The following CALCRL variants were observed in gnomAD, a reference collection of about 807,000 sequenced individuals.
The protein encoded by CALCRL is calcitonin receptor like receptor.
Under a neutral mutation model 60.4 loss-of-function variants are expected in CALCRL, and 27 were observed. The ratio of observed to expected loss-of-function variants is 0.45; its 90% CI spans 0.33 to 0.62. The LOEUF (loss-of-function observed/expected upper bound fraction) is 0.62. Ranked by LOEUF, CALCRL falls within the 20% of genes least tolerant of loss-of-function variation. CALCRL has a pLI of 0.03. For synonymous variants in CALCRL, 190 were observed against 182.6 expected, an observed-to-expected ratio of 1.04 and a Z score of -0.33; for missense variants, 424 against 540.7, an observed-to-expected ratio of 0.78 and a Z score of 2.14.
chr2:187,421,350 A>G (rs1689863647), intron 1 of CALCRL, among the ~76,000 whole-genome samples: 1 of 152,130 alleles, frequency 6.6e-6, no homozygotes, highest in Non-Finnish European at 1.5e-5. Flanking sequence ...AATAACTCAT[A>G]AATTCCTACT....
chr2:187,357,806 AC>A (rs1686864225), intron 12 of CALCRL, among the ~76,000 whole-genome samples: 1 of 121,598 alleles, frequency 8.2e-6, no homozygotes, highest in African/African-American at 3.3e-5. Flanking sequence ...AATAATAAAA[AC>A]AACAACAACA....
intron 1 of CALCRL, among the ~76,000 whole-genome samples, chr2:187,397,356 T>C (rs77476064): frequency 0.046 from 6,993 of 151,590 alleles, 537 homozygotes; most frequent in African/African-American, 0.16. Flanking sequence ...ATTGTAAGTA[T>C]ATTCCCAGAT....
chr2:187,434,242 C>T (rs1690534865), intron 1 of CALCRL, among the ~76,000 whole-genome samples: 1 of 152,036 alleles, frequency 6.6e-6, no homozygotes, highest in Non-Finnish European at 1.5e-5. Context: ...TTCCCTGGAC[C>T]ACCTAACCAA....
rs1403576611 is a variant in CALCRL at position 187,342,396 on chromosome 2, T to C, written c.*3788A>G. On this transcript the variant is annotated 3_prime_UTR_variant, in exon 15 of 15. Coordinates refer to ENST00000392370, the MANE Select transcript of CALCRL (RefSeq NM_005795.6). ...AAAAACTGCTTTGAATATGAAGTAT[T>C]ATATGATATGTCAAGTATATCTCAA... Among the ~76,000 whole-genome samples, 1 of 151,768 alleles carries C rather than the reference T, an allele frequency of 6.6e-6. No individual in the cohort carries two copies. Among genetic ancestry groups the C allele is most frequent in the Non-Finnish European group, 1.5e-5 (1 of 67,728 alleles).
chr2:187,382,349 C>G (rs1688017478), intron 5 of CALCRL, among the ~76,000 whole-genome samples: 2 of 152,172 alleles, frequency 1.3e-5, no homozygotes, highest in Admixed American at 1.3e-4. Flanking sequence ...TGATTCCAAA[C>G]TTCTCTTACC....
intron 1 of CALCRL, among the ~76,000 whole-genome samples, chr2:187,393,255 G>T (rs1029658039): frequency 2.6e-5 from 4 of 151,978 alleles, no homozygotes; most frequent in African/African-American, 7.2e-5. Context: ...AAGAATTTAG[G>T]AACCTGCATG....
In CALCRL at chr2:187,351,301, G is replaced by A. The variant is rs867849892; in HGVS notation, c.1170+619C>T. Among the ~76,000 whole-genome samples the A allele has an allele frequency of 7.3e-4, 101 of 139,124 alleles. 1 individual carries two copies. The highest frequency in any genetic ancestry group is 2.1e-3 in the East Asian group (9 of 4,226). 91.3% of individuals were successfully genotyped at this position (139,124 alleles called of 152,430 possible). The stretch of plus-strand genomic sequence containing the variant: ...CTCCGTCTCAAAAAAAAAAAAAAAA[G>A]AAATATGTTACCAGCTTTCAAAATG... On this transcript the variant is annotated intron_variant, in intron 14 of 14. Coordinates refer to ENST00000392370, the MANE Select transcript of CALCRL (RefSeq NM_005795.6).
At chr2:187,408,931 T>C (rs1689245740) in intron 1 of CALCRL, among the ~76,000 whole-genome samples, 1 of 152,170 alleles carries the variant, frequency 6.6e-6, no homozygotes, top group African/African-American at 2.4e-5. Flanking sequence ...AGAACTTGCT[T>C]TTTCCTAAAA....
chr2:187,446,198 ATCT>A (rs369258842), intron 1 of CALCRL, among the ~76,000 whole-genome samples: 89 of 151,872 alleles, frequency 5.9e-4, no homozygotes, highest in African/African-American at 1.9e-3. Flanking sequence ...ACAAGGAAAC[ATCT>A]TCTAGCAAAG....
At chr2:187,427,946 T>C (rs1163439141) in intron 1 of CALCRL, among the ~76,000 whole-genome samples, 1 of 152,158 alleles carries the variant, frequency 6.6e-6, no homozygotes, top group African/African-American at 2.4e-5. Flanking sequence ...CTCCCATATC[T>C]GCTATCATGT....
At chr2:187,422,137 T>G (rs373913235) in intron 1 of CALCRL, among the ~76,000 whole-genome samples, 4 of 152,158 alleles carry the variant, frequency 2.6e-5, no homozygotes, top group Admixed American at 2.0e-4. Flanking sequence ...GACACCCAAT[T>G]GTATCCACAG....
intron 1 of CALCRL, among the ~76,000 whole-genome samples, chr2:187,388,883 T>G (rs1305600969): frequency 6.6e-6 from 1 of 152,088 alleles, no homozygotes; most frequent in African/African-American, 2.4e-5. Flanking sequence ...AAATCACTGT[T>G]TGGTGTTTAA....
intron 8 of CALCRL, among the ~76,000 whole-genome samples, chr2:187,373,086 A>C (rs1035928263): frequency 6.6e-6 from 1 of 152,182 alleles, no homozygotes; most frequent in Non-Finnish European, 1.5e-5. Context: ...GGCATGGGCA[A>C]GTCTGTCCTA....
At chr2:187,447,747 T>C (rs926325516) in intron 1 of CALCRL, among the ~76,000 whole-genome samples, 4 of 151,578 alleles carry the variant, frequency 2.6e-5, no homozygotes, top group African/African-American at 9.8e-5. Context: ...TTAAAAGACA[T>C]TGTTCTGTGA....
At chr2:187,431,769 A>AG (rs1198149345) in intron 1 of CALCRL, among the ~76,000 whole-genome samples, 2 of 150,964 alleles carry the variant, frequency 1.3e-5, no homozygotes, top group Non-Finnish European at 2.9e-5. Context: ...GAGAAAAAAA[A>AG]AGAAACAAAT....
At chr2:187,381,799 G>A (rs898764238) in intron 5 of CALCRL, among the ~76,000 whole-genome samples, 2 of 152,106 alleles carry the variant, frequency 1.3e-5, no homozygotes, top group African/African-American at 4.8e-5. Context: ...AACCTTGATT[G>A]CTGCATGAGA....
chr2:187,415,662 G>A, intron 1 of CALCRL: 1 of 617,862 alleles, frequency 1.6e-6, no homozygotes, highest in Non-Finnish European at 3.0e-6. Flanking sequence ...AGGACATTCT[G>A]GGCTACACTG....
At chr2:187,440,809 A>T (rs1255216778) in intron 1 of CALCRL, among the ~76,000 whole-genome samples, 1 of 152,152 alleles carries the variant, frequency 6.6e-6, no homozygotes, top group Non-Finnish European at 1.5e-5. Flanking sequence ...TTTCACACTG[A>T]TAACATGGAA....
chr2:187,352,402 C>A (rs1480753968), intron 12 of CALCRL, 70 bp from the exon 13 acceptor site: 3 of 832,370 alleles, frequency 3.6e-6, no homozygotes, highest in Non-Finnish European at 5.8e-6. Context: ...ATTCAAGTAT[C>A]TCCAATTTTA....
Sources: gnomAD v4.1 joint callset for allele counts (sites outside exome capture counted in the v4.1 genomes callset) on GRCh38, gnomAD v4.1.1 for gene constraint, MANE v1.5 for transcripts, NCBI Gene and HGNC (gene_info 2026-07-23, HGNC 2026-07-21) for gene names.